The following INTS2 variants were observed in gnomAD, a reference collection of about 807,000 sequenced individuals.
The protein encoded by INTS2 is KIAA1287.
Under a neutral mutation model 139.6 loss-of-function variants are expected in INTS2, and 57 were observed. The ratio of observed to expected loss-of-function variants is 0.41; its 90% CI spans 0.33 to 0.51. INTS2 has a LOEUF of 0.51. INTS2 is among the 20% of genes least tolerant of loss of function. The pLI, the probability that INTS2 is intolerant of heterozygous loss-of-function variation, is 0.28. For synonymous variants in INTS2, 473 were observed against 493.4 expected, an observed-to-expected ratio of 0.96 and a Z score of 0.55; for missense variants, 1,196 against 1,436.7, an observed-to-expected ratio of 0.83 and a Z score of 2.71.
At chr17:61,880,579 C>A (rs1423674398) in intron 17 of INTS2, among the ~76,000 whole-genome samples, 1 of 151,832 alleles carries the variant, frequency 6.6e-6, no homozygotes, top group Non-Finnish European at 1.5e-5. Flanking sequence ...TGGTGAAACC[C>A]CATCTCTACA....
At position 61,872,573 on chromosome 17, in the gene INTS2, C is replaced by G; in HGVS notation, c.2583-113G>C. ...CTGAGAAAAACCTGAGTAGTACATA[C>G]TAACTTTTCCCACTAAAATATTCAT... On this transcript the variant is annotated intron_variant, in intron 19 of 24. Coordinates refer to ENST00000251334, the MANE Select transcript of INTS2 (RefSeq NM_001351695.2). This position sits in a 1 kb window ranked among gnomAD's most constrained non-coding sequence, Gnocchi z 4.8. The G allele has an allele frequency of 1.8e-6, 1 of 560,466 alleles. No individual in the cohort carries two copies. 34.7% of individuals were successfully genotyped at this position (560,466 alleles called of 1,614,324 possible). A position where few individuals can be genotyped will look rare whatever the true frequency, so the allele number is the denominator to read the frequency against.
chr17:61,925,242 T>C, intron 2 of INTS2, 143 bp from the exon 3 acceptor site: 3 of 807,070 alleles, frequency 3.7e-6, no homozygotes, highest in Non-Finnish European at 5.9e-6. Flanking sequence ...TGCTATTTAG[T>C]TTGCCTGTGT....
At chr17:61,919,361 G>T (rs2079615279) in intron 5 of INTS2, 39 bp downstream of exon 5, 1 of 996,200 alleles carries the variant, frequency 1.0e-6, no homozygotes, top group Non-Finnish European at 1.6e-6. Flanking sequence ...ACATGTCCAA[G>T]CAAGTCTTTT....
intron 7 of INTS2, among the ~76,000 whole-genome samples, chr17:61,908,706 CAA>C (rs1454450889): frequency 6.6e-6 from 1 of 151,986 alleles, no homozygotes; most frequent in Non-Finnish European, 1.5e-5. Flanking sequence ...TTATTGAATA[CAA>C]AAGACAACTA....
At chr17:61,903,081 C>T (rs1171811797) in intron 9 of INTS2, among the ~76,000 whole-genome samples, 8 of 143,348 alleles carry the variant, frequency 5.6e-5, no homozygotes, top group Non-Finnish European at 1.1e-4. Flanking sequence ...AGGAGAATGG[C>T]GTGAACCTGG....
At chr17:61,925,921 G>A (rs963197280) in intron 2 of INTS2, among the ~76,000 whole-genome samples, 4 of 152,080 alleles carry the variant, frequency 2.6e-5, no homozygotes, top group Non-Finnish European at 5.9e-5. Context: ...AGCTACTCGG[G>A]AGGCTGAGGC....
intron 8 of INTS2, among the ~76,000 whole-genome samples, chr17:61,905,414 C>T (rs2079451182): frequency 6.6e-6 from 1 of 152,198 alleles, no homozygotes; most frequent in African/African-American, 2.4e-5. Flanking sequence ...GCAAACTCTA[C>T]CTCCTAAGTT....
rs8077835 is a variant in INTS2, at chr17:61,893,706, A to T, written c.1698+59T>A. The stretch of plus-strand genomic sequence containing the variant: ...CAAGACTCCATCTCAAAAGAAAAAA[A>T]ATATATATATAAAAATGTAGGGGCA... On this transcript the variant is annotated intron_variant, in intron 13 of 24. Transcript: ENST00000251334. The surrounding 1 kb of genome is among the most constrained non-coding windows in gnomAD (Gnocchi z 5.4). 423,929 of 1,278,402 alleles carry T rather than the reference A, an allele frequency of 0.33. 73,604 individuals are homozygous for T. Among genetic ancestry groups the T allele is most frequent in the African/African-American group, 0.56 (36,046 of 63,848 alleles). 79.2% of individuals were successfully genotyped at this position (1,278,402 alleles called of 1,614,324 possible).
intron 15 of INTS2, among the ~76,000 whole-genome samples, chr17:61,889,054 C>CAAAAAACAAA (rs2079261244): frequency 6.8e-6 from 1 of 146,452 alleles, no homozygotes; most frequent in African/African-American, 2.5e-5. Context: ...AAACAAAAAA[C>CAAAAAACAAA]AAACCAAAAC....
At chr17:61,919,170 G>T (rs921315844) in intron 5 of INTS2, among the ~76,000 whole-genome samples, 2 of 151,872 alleles carry the variant, frequency 1.3e-5, no homozygotes, top group Non-Finnish European at 2.9e-5. Context: ...TGATCTGCCC[G>T]CCTCGGCCTC....
chr17:61,921,644 A>G (rs2079642253), intron 4 of INTS2, 81 bp downstream of exon 4: 1 of 644,964 alleles, frequency 1.6e-6, no homozygotes. Flanking sequence ...AAAATAACAC[A>G]GCATACCAGG....
intron 17 of INTS2, among the ~76,000 whole-genome samples, chr17:61,879,535 T>C (rs2079159010): frequency 6.6e-6 from 1 of 152,186 alleles, no homozygotes; most frequent in South Asian, 2.1e-4. Flanking sequence ...CATTAAAATT[T>C]TAATATTGAT....
At position 61,865,671 on chromosome 17, in the gene INTS2, A is replaced by G. The variant is rs906065934; in HGVS notation, c.*1886T>C. 6.6e-6 allele frequency: 1 copy of G among 152,412 alleles called. No homozygotes were observed. The highest frequency in any genetic ancestry group is 2.4e-5 in the African/African-American group (1 of 41,438). The allele number at this position is 152,412 out of a possible 1,614,324, so 9.4% of individuals were successfully genotyped here. A position where few individuals can be genotyped will look rare whatever the true frequency, so the allele number is the denominator to read the frequency against. The stretch of plus-strand genomic sequence containing the variant: ...TTAACTTTTTCTGAACTCCTAGGGC[A>G]TATCTATTCACACAAAATATCGCAA... On this transcript the variant is annotated 3_prime_UTR_variant, in exon 25 of 25. Coordinates refer to ENST00000251334, the MANE Select transcript of INTS2 (RefSeq NM_001351695.2). The surrounding 1 kb of genome is among the most constrained non-coding windows in gnomAD (Gnocchi z 4.8).
rs1235270302 is a variant in INTS2 at position 61,893,598 on chromosome 17, G to A, written c.1698+167C>T. Among the ~76,000 whole-genome samples, 1 of 152,042 alleles carries A rather than the reference G, an allele frequency of 6.6e-6. No homozygotes were observed. The highest frequency in any genetic ancestry group is 1.5e-5 in the Non-Finnish European group (1 of 68,012). ...TAGTCCCAGCTACCTGGGAGGTTGA[G>A]GCAGGAGAATCACTTTAACCCAGGA... On this transcript the variant is annotated intron_variant, in intron 13 of 24. Transcript: ENST00000251334. The surrounding 1 kb of genome is among the most constrained non-coding windows in gnomAD (Gnocchi z 5.4).
At chr17:61,915,399 GCCTGTAATC>G in intron 5 of INTS2, among the ~76,000 whole-genome samples, 1 of 151,608 alleles carries the variant, frequency 6.6e-6, no homozygotes, top group Admixed American at 6.6e-5. Context: ...GGTGGCCCAT[GCCTGTAATC>G]CCATGAACTT....
At position 61,875,101 on chromosome 17, in the gene INTS2, A is replaced by T; in HGVS notation, c.2457-63T>A. On this transcript the variant is annotated intron_variant, in intron 18 of 24. Coordinates refer to ENST00000251334, the MANE Select transcript of INTS2 (RefSeq NM_001351695.2). The surrounding 1 kb of genome is among the most constrained non-coding windows in gnomAD (Gnocchi z 4.6). ...TATATATTAAAATCTGTAGCCATCC[A>T]GTCCTTTCTATCTTAGAAAGTTATA... 8.3e-7 allele frequency: 1 copy of T among 1,205,394 alleles called. No individual in the cohort carries two copies. The highest frequency in any genetic ancestry group is 3.1e-5 in the Admixed American group (1 of 32,516). The allele number at this position is 1,205,394 out of a possible 1,614,324, so 74.7% of individuals were successfully genotyped here.
At chr17:61,917,752 G>A (rs968496805) in intron 5 of INTS2, among the ~76,000 whole-genome samples, 3 of 151,934 alleles carry the variant, frequency 2.0e-5, no homozygotes, top group African/African-American at 7.3e-5. Context: ...TAACAAACCT[G>A]CACATGTACC....
Position 61,926,518 on chromosome 17 carries a change from G to A in INTS2, c.127C>T (p.Arg43Trp), listed in dbSNP as rs1214084384. 1.9e-6 allele frequency: 3 copies of A among 1,613,704 alleles called. No individual in the cohort carries two copies. Among genetic ancestry groups the A allele is most frequent in the Non-Finnish European group, 2.5e-6 (3 of 1,179,776 alleles). Residue 43 changes from arginine (R) to tryptophan (W), a missense_variant, in exon 2 of 25, where the codon CGG becomes TGG. This residue lies in a region of INTS2 where 31 missense variants were observed against 64.8 expected (regional missense o/e 0.48). Transcript: ENST00000251334. Reference sequence around the variant, plus strand: ...TCAGCAGGTGCACAAAGTGCCATCCGTACCAAACAGGGCAGAAGAAGTCTT... The same window carrying A: ...TCAGCAGGTGCACAAAGTGCCATCCATACCAAACAGGGCAGAAGAAGTCTT... ...ELRLLLPCLV[R>W]MALCAPADQS... is the part of the protein sequence containing the mutation.
intron 3 of INTS2, among the ~76,000 whole-genome samples, chr17:61,923,260 G>C (rs374903580): frequency 9.3e-5 from 14 of 150,880 alleles, no homozygotes; most frequent in African/African-American, 3.4e-4. Context: ...GGCGGATCAC[G>C]AGATCAGGAG....
Sources: gnomAD v4.1 joint callset for allele counts (sites outside exome capture counted in the v4.1 genomes callset) on GRCh38, gnomAD v4.1.1 for gene constraint, gnomAD v4.1.1 regional missense constraint, Gnocchi (gnomAD v3.1) non-coding constraint, MANE v1.5 for transcripts, NCBI Gene and HGNC (gene_info 2026-07-23, HGNC 2026-07-21) for gene names.